The following PAK6 variants were observed in gnomAD, a reference collection of about 807,000 sequenced individuals.
PAK6 encodes p21 (RAC1) activated kinase 6, also known as serine/threonine-protein kinase PAK 6.
PAK6 carries 33 observed loss-of-function variants against 60.8 expected under a neutral mutation model. That is an observed-to-expected ratio of 0.54 (90% CI 0.41 to 0.73). The LOEUF (loss-of-function observed/expected upper bound fraction) is 0.73. Among genes scored for constraint, PAK6 ranks in the 30% least tolerant of loss-of-function variants. PAK6 has a pLI of 0.00. For missense variants in PAK6, 845 were observed against 904.1 expected, an observed-to-expected ratio of 0.93 and a Z score of 0.84; for synonymous variants, 404 against 378.5, an observed-to-expected ratio of 1.07 and a Z score of -0.78.
chr15:40,252,545 A>G (rs769966205), intron 2 of PAK6: 1 of 1,361,948 alleles, frequency 7.3e-7, no homozygotes, highest in Non-Finnish European at 9.8e-7. Context: ...ACACCCTGAA[A>G]TCAAAATCGC....
In PAK6 at chr15:40,275,281, T is replaced by TTTG. The variant is rs1491117322; in HGVS notation, c.1879-644_1879-643insGTT. Among the ~76,000 whole-genome samples, 9 of 19,712 alleles carry TTTG rather than the reference T, an allele frequency of 4.6e-4. No individual in the cohort carries two copies. In the East Asian group the frequency reaches 0.011, roughly 25 times the overall value. 12.9% of individuals were successfully genotyped at this position (19,712 alleles called of 152,430 possible). A position where few individuals can be genotyped will look rare whatever the true frequency, so the allele number is the denominator to read the frequency against. ...ACTTGTTTGTTTCTGTTGTTGTTGG[T>TTTG]TTTTTTTTTTTTTTTTTTTTTGGAG... is the stretch of plus-strand genomic sequence containing the variant. On this transcript the variant is annotated intron_variant, in intron 10 of 10. Transcript: ENST00000560346.
intron 5 of PAK6, 117 bp downstream of exon 5, chr15:40,266,612 A>G (rs1425631101): frequency 9.6e-6 from 10 of 1,039,688 alleles, no homozygotes; most frequent in Admixed American, 6.1e-5. Context: ...GCTTCCGCCT[A>G]AGGCGGCAGA....
At chr15:40,245,116 T>A (rs1471052711) in intron 2 of PAK6, 2 of 152,204 alleles carry the variant, frequency 1.3e-5, no homozygotes, top group East Asian at 1.9e-4. Flanking sequence ...TGCACTCAGC[T>A]CTTTGGGCCT....
chr15:40,242,410 G>A (rs542227688), intron 2 of PAK6, among the ~76,000 whole-genome samples: 45 of 152,346 alleles, frequency 3.0e-4, no homozygotes, highest in African/African-American at 1.0e-3. Flanking sequence ...TGCGCTCGTC[G>A]CCCTGAGCAG....
intron 2 of PAK6, among the ~76,000 whole-genome samples, chr15:40,250,022 G>A (rs2038618972): frequency 6.6e-6 from 1 of 152,260 alleles, no homozygotes; most frequent in Non-Finnish European, 1.5e-5. Context: ...CCTCAAAGGA[G>A]GATGTGCCTG....
chr15:40,240,356 G>A (rs1159033348), intron 1 of PAK6, among the ~76,000 whole-genome samples: 4 of 152,126 alleles, frequency 2.6e-5, no homozygotes, highest in African/African-American at 7.2e-5. Flanking sequence ...CCACCCTCAA[G>A]CCCCTGGTCC....
intron 3 of PAK6, 65 bp from the exon 4 acceptor site, chr15:40,264,716 C>T: frequency 6.9e-7 from 1 of 1,444,736 alleles, no homozygotes; most frequent in Non-Finnish European, 9.7e-7. Flanking sequence ...AACCTGGTGC[C>T]CCAGGCCCTG....
At chr15:40,243,627 G>T (rs2038418354) in intron 2 of PAK6, among the ~76,000 whole-genome samples, 1 of 152,230 alleles carries the variant, frequency 6.6e-6, no homozygotes, top group Admixed American at 6.5e-5. Context: ...CACGGAGGAG[G>T]TGACTTTGAA....
At chr15:40,274,484 T>C (rs371936811) in intron 10 of PAK6, among the ~76,000 whole-genome samples, 28 of 152,336 alleles carry the variant, frequency 1.8e-4, no homozygotes, top group African/African-American at 6.7e-4. Flanking sequence ...ACAAGTCGCC[T>C]CCCACGGCTG....
At chr15:40,277,057 T>C (rs932668997) in exon 11 of PAK6, 1 of 152,232 alleles carries the variant, frequency 6.6e-6, no homozygotes, top group Non-Finnish European at 1.5e-5. Flanking sequence ...TTGGCAACTG[T>C]GTTACCTTTC....
At chr15:40,257,651 G>A (rs1402360483) in intron 3 of PAK6, among the ~76,000 whole-genome samples, 1 of 152,274 alleles carries the variant, frequency 6.6e-6, no homozygotes, top group Non-Finnish European at 1.5e-5. Flanking sequence ...TCATTTGAAT[G>A]CCCATGCTCT....
intron 4 of PAK6, among the ~76,000 whole-genome samples, chr15:40,265,455 C>T (rs763416449): frequency 6.6e-5 from 10 of 152,242 alleles, no homozygotes; most frequent in Non-Finnish European, 1.3e-4. Context: ...TGGAGGAGCC[C>T]CCGGCCTGGT....
chr15:40,264,507 C>T, intron 3 of PAK6: 1 of 581,048 alleles, frequency 1.7e-6, no homozygotes, highest in Non-Finnish European at 3.2e-6. Flanking sequence ...AGTCTGCCTG[C>T]TCCATAGGGG....
At chr15:40,248,613 C>G (rs1213203883) in intron 2 of PAK6, among the ~76,000 whole-genome samples, 1 of 152,156 alleles carries the variant, frequency 6.6e-6, no homozygotes, top group Non-Finnish European at 1.5e-5. Flanking sequence ...CACCTGATTC[C>G]TAGCAGGGAA....
At chr15:40,258,942 C>T (rs12594684) in intron 3 of PAK6, 2,720 of 152,572 alleles carry the variant, frequency 0.018, 53 homozygotes, top group East Asian at 0.1. Flanking sequence ...GCCTCCCTCC[C>T]CTGTGTTAAG....
chr15:40,255,800 TGAG>T (rs2038817995), intron 3 of PAK6, among the ~76,000 whole-genome samples: 1 of 152,078 alleles, frequency 6.6e-6, no homozygotes, highest in Non-Finnish European at 1.5e-5. Flanking sequence ...CATCGCTGAA[TGAG>T]TTCTAGCAGA....
At chr15:40,266,019 A>G (rs868398637) in exon 5 of PAK6, 3 of 1,601,984 alleles carry the variant, frequency 1.9e-6, no homozygotes, top group African/African-American at 2.7e-5. Context: ...CGACCCAGAC[A>G]TGTACCTCCA....
chr15:40,266,264 C>A (rs969424209), exon 5 of PAK6: 4 of 1,610,978 alleles, frequency 2.5e-6, no homozygotes, highest in East Asian at 2.2e-5. Context: ...CCTCGCCCCC[C>A]ACGGGCACCA....
exon 11 of PAK6, chr15:40,276,462 C>A (rs1203366297): frequency 1.0e-5 from 2 of 199,692 alleles, no homozygotes. Flanking sequence ...CTGCAGAGGG[C>A]AGACTGCTGG....
Sources: allele counts gnomAD v4.1 joint callset (sites outside exome capture counted in the v4.1 genomes callset), GRCh38; gene constraint gnomAD v4.1.1; transcripts MANE v1.5; gene names NCBI Gene and HGNC (gene_info 2026-07-23, HGNC 2026-07-21).